The following SRPRB variants were observed in gnomAD, a reference collection of about 807,000 sequenced individuals.
SRPRB encodes SRP receptor subunit beta, also known as signal recognition particle receptor subunit beta.
Under a neutral mutation model 31.9 loss-of-function variants are expected in SRPRB, and 20 were observed. That is an observed-to-expected ratio of 0.63 (90% CI 0.44 to 0.91). SRPRB has a LOEUF of 0.91. SRPRB is among the 40% of genes least tolerant of loss of function. The probability of loss-of-function intolerance (pLI) is 0.00; values close to 1 mark genes in which losing one functional copy is unlikely to be tolerated. For synonymous variants in SRPRB, 146 were observed against 132.8 expected (o/e 1.10, Z -0.68); for missense variants, 321 against 324.9 (o/e 0.99, Z 0.09).
At chr3:133,794,056 T>G (rs571861523) in intron 1 of SRPRB, 2 of 152,342 alleles carry the variant, frequency 1.3e-5, no homozygotes, top group African/African-American at 4.8e-5. Flanking sequence ...TTACCTATGA[T>G]AACCCATCAG....
At chr3:133,812,527 A>C (rs929212907) in intron 4 of SRPRB, among the ~76,000 whole-genome samples, 1 of 152,264 alleles carries the variant, frequency 6.6e-6, no homozygotes, top group African/African-American at 2.4e-5. Context: ...AGTTCAAATA[A>C]ATTATAATCA....
downstream of SRPRB, chr3:133,827,302 C>G (rs1241781576): frequency 1.3e-5 from 2 of 152,320 alleles, no homozygotes; most frequent in Non-Finnish European, 2.9e-5. Flanking sequence ...GAGGGAGAGC[C>G]AATGACAGCA....
chr3:133,821,956 G>C (rs1935481674), downstream of SRPRB, among the ~76,000 whole-genome samples: 1 of 152,178 alleles, frequency 6.6e-6, no homozygotes, highest in Non-Finnish European at 1.5e-5. Flanking sequence ...ACTAGTAGCA[G>C]GCATTCCGTT....
Position 133,821,462 on chromosome 3 carries a change from A to G in SRPRB, c.*1696A>G, listed in dbSNP as rs1403350577. 6.6e-6 allele frequency: 1 copy of G among 152,176 alleles called. No individual in the cohort carries two copies. The highest frequency in any genetic ancestry group is 2.4e-5 in the African/African-American group (1 of 41,424). 9.4% of individuals were successfully genotyped at this position (152,176 alleles called of 1,614,324 possible). ...CATAGTAGGAGCTCATGGGAATAAA[A>G]GTCAGTGGCTTGATGCTTCTGTTAG... is the stretch of plus-strand genomic sequence containing the variant. On this transcript the variant is annotated 3_prime_UTR_variant, in exon 7 of 7. Transcript: ENST00000678299.
rs761288153 is a variant in SRPRB at position 133,805,847 on chromosome 3, C to T, written c.-2C>T. On this transcript the variant is annotated 5_prime_UTR_variant, in exon 1 of 7. Transcript: ENST00000678299. ...CTGTACCGGGGACCACGCGTCTCAT[C>T]CATGGCTTCCGCGGACTCGCGCCGG... The T allele has an allele frequency of 1.2e-6, 2 of 1,607,872 alleles. No homozygotes were observed. The highest frequency in any genetic ancestry group is 2.7e-5 in the African/African-American group (2 of 74,862).
downstream of SRPRB, among the ~76,000 whole-genome samples, chr3:133,823,328 C>A (rs1259668672): frequency 6.6e-6 from 1 of 152,174 alleles, no homozygotes; most frequent in African/African-American, 2.4e-5. Context: ...GGTGCCGTCT[C>A]GGCTCACTGC....
At chr3:133,811,593 T>C (rs1935263819) in intron 4 of SRPRB, among the ~76,000 whole-genome samples, 1 of 151,616 alleles carries the variant, frequency 6.6e-6, no homozygotes, top group African/African-American at 2.4e-5. Context: ...TTTTTGTTTT[T>C]TTTTTTTGAG....
rs769066711 is a variant in SRPRB at position 133,811,216 on chromosome 3, T to G, written c.410+17T>G. On this transcript the variant is annotated intron_variant, in intron 4 of 6. Transcript: ENST00000678299. ...TTCAGCCAGGTAAGAAGGAAAGAAG[T>G]GAAGTGGGCTTGTCTAGGTCTGTAT... 6.9e-5 allele frequency: 111 copies of G among 1,612,608 alleles called. No homozygotes were observed. Among genetic ancestry groups the G allele is most frequent in the Non-Finnish European group, 9.2e-5 (109 of 1,178,762 alleles).
At chr3:133,790,911 G>T (rs1471272053) in intron 1 of SRPRB, 1 of 152,170 alleles carries the variant, frequency 6.6e-6, no homozygotes, top group Non-Finnish European at 1.5e-5. Flanking sequence ...GGGGCCCTAG[G>T]TAAACACTGT....
chr3:133,826,145 C>T (rs1935559444), downstream of SRPRB: 1 of 152,248 alleles, frequency 6.6e-6, no homozygotes, highest in Non-Finnish European at 1.5e-5. Context: ...AAGGGAGCGC[C>T]ATGGAACCAC....
upstream of SRPRB, chr3:133,805,567 T>G: frequency 9.5e-6 from 3 of 314,704 alleles, no homozygotes; most frequent in African/African-American, 2.1e-5. Context: ...ATTTTATTCA[T>G]TTCATCATTC....
At chr3:133,787,789 A>G (rs1477088836) in intron 1 of SRPRB, 1 of 152,242 alleles carries the variant, frequency 6.6e-6, no homozygotes, top group African/African-American at 2.4e-5. Flanking sequence ...TATATACTGG[A>G]AAAATGAGTC....
downstream of SRPRB, among the ~76,000 whole-genome samples, chr3:133,822,375 C>T (rs974153526): frequency 3.9e-5 from 6 of 152,168 alleles, no homozygotes; most frequent in African/African-American, 1.4e-4. Flanking sequence ...TGAATATGTC[C>T]ACTTCTGGAA....
intron 6 of SRPRB, among the ~76,000 whole-genome samples, chr3:133,818,399 G>T (rs2107976022): frequency 6.6e-6 from 1 of 152,198 alleles, no homozygotes; most frequent in South Asian, 2.1e-4. Context: ...TTCTTAAAAG[G>T]CAGTGAAACA....
intron 4 of SRPRB, among the ~76,000 whole-genome samples, chr3:133,812,911 T>C (rs569926899): frequency 1.8e-4 from 28 of 152,350 alleles, no homozygotes; most frequent in East Asian, 1.7e-3. Flanking sequence ...ATTTTACTTC[T>C]TCCCTTTAGA....
upstream of SRPRB, among the ~76,000 whole-genome samples, chr3:133,803,418 C>T (rs1242644299): frequency 6.6e-6 from 1 of 152,202 alleles, no homozygotes; most frequent in Non-Finnish European, 1.5e-5. Flanking sequence ...TAAATTACTG[C>T]TCTAATCAAT....
chr3:133,805,740 A>C, upstream of SRPRB: 1 of 1,416,156 alleles, frequency 7.1e-7, no homozygotes, highest in Non-Finnish European at 9.4e-7. Context: ...CGGCTGAGGG[A>C]GAGACTATGG....
At chr3:133,810,980 T>C (rs1223554781) in intron 3 of SRPRB, 137 bp from the exon 4 acceptor site, 1 of 796,858 alleles carries the variant, frequency 1.3e-6, no homozygotes, top group African/African-American at 1.7e-5. Flanking sequence ...GACTAGTGTT[T>C]TATGAGTAGA....
At chr3:133,810,509 T>C (rs1559891292) in intron 3 of SRPRB, 1 of 152,210 alleles carries the variant, frequency 6.6e-6, no homozygotes, top group Non-Finnish European at 1.5e-5. Flanking sequence ...GTAGATTTGC[T>C]CAGTAGGGGC....
Sources: allele counts gnomAD v4.1 joint callset (sites outside exome capture counted in the v4.1 genomes callset), GRCh38; gene constraint gnomAD v4.1.1; transcripts MANE v1.5; gene names NCBI Gene and HGNC (gene_info 2026-07-23, HGNC 2026-07-21).